Variants in APRT observed in about 807,000 individuals in gnomAD.
APRT encodes the protein adenine phosphoribosyltransferase.
Under a neutral mutation model 21.0 loss-of-function variants are expected in APRT, and 25 were observed. The observed-to-expected ratio is 1.19, with a 90% CI of 0.87 to 1.66. The LOEUF (loss-of-function observed/expected upper bound fraction) is 1.66. APRT is among the 40% of genes most tolerant of loss of function. APRT has a pLI of 0.00. For missense variants in APRT, 294 were observed against 232.7 expected (o/e 1.26, Z -1.72); for synonymous variants, 153 against 109.0 (o/e 1.40, Z -2.52).
Position 88,809,745 on chromosome 16 carries a change from C to G in APRT, c.496G>C (p.Glu166Gln), listed in dbSNP as rs1049298789. 3.1e-6 allele frequency: 5 copies of G among 1,613,424 alleles called. No homozygotes were observed. Among genetic ancestry groups the G allele is most frequent in the Non-Finnish European group, 4.2e-6 (5 of 1,180,016 alleles). ...AAGAAGGGTACAGGTGCCAGCTTCT[C>G]CCTGCCCTTAAGCGAGGTCAGCTCC... ...LVELTSLKGR[E>Q]KLAPVPFFSL... Residue 166 changes from glutamate (E) to glutamine (Q), a missense_variant, in exon 5 of 5, where the codon GAG (glutamate) becomes CAG (glutamine). By Grantham distance (29) the Glu-to-Gln change is conservative (BLOSUM62 2). Transcript: ENST00000378364.
chr16:88,809,772 C>T lies in APRT; in HGVS notation c.469G>A (p.Val157Met). ...QAEVLECVSL[V>M]ELTSLKGREK... ...CTGCCCTTAAGCGAGGTCAGCTCCA[C>T]CAGGCTCACGCACTCCAGGACCTCA... Residue 157 changes from valine (V) to methionine (M), a missense_variant, in exon 5 of 5, where the codon GTG becomes ATG. Transcript: ENST00000378364. The T allele has an allele frequency of 6.2e-7, 1 of 1,613,326 alleles. No homozygotes were observed. Among genetic ancestry groups the T allele is most frequent in the East Asian group, 2.2e-5 (1 of 44,880 alleles).
In APRT at chr16:88,809,498, C is replaced by T. The variant is rs758560583; in HGVS notation, c.*200G>A. On this transcript the variant is annotated 3_prime_UTR_variant, in exon 5 of 5. Coordinates refer to ENST00000378364, the MANE Select transcript of APRT (RefSeq NM_000485.3). ...GGGAAAGCTGTTTACTGCGTTCTCC[C>T]GCTGTGTGTAATTGGGTTCAGTGTG... 35 of 828,486 alleles carry T rather than the reference C, an allele frequency of 4.2e-5. No individual in the cohort carries two copies. The highest frequency in any genetic ancestry group is 3.2e-4 in the East Asian group (12 of 37,046). The allele number at this position is 828,486 out of a possible 1,614,324, so 51.3% of individuals were successfully genotyped here.
chr16:88,811,617 G>C lies in APRT; in HGVS notation c.120C>G (p.Arg40=). Residue 40 remains arginine (R), a synonymous_variant, in exon 2 of 5, where the codon CGC becomes CGG. Transcript: ENST00000378364. Reference sequence around the variant, plus strand: ...GTCGCGCCAGGAGGCCGATGGCGGCGCGGAAGGAGGCGGGGTCCTTCAGGA... The same window carrying C: ...GTCGCGCCAGGAGGCCGATGGCGGCCCGGAAGGAGGCGGGGTCCTTCAGGA... ...SPVLKDPASF[R]AAIGLLARHL... 1 of 1,602,806 alleles carries C rather than the reference G, an allele frequency of 6.2e-7. No individual in the cohort carries two copies. The highest frequency in any genetic ancestry group is 8.5e-7 in the Non-Finnish European group (1 of 1,175,428).
At position 88,811,602 on chromosome 16, in the gene APRT, G is replaced by A. The variant is rs200598967; in HGVS notation, c.135C>T (p.Leu45=). ...GGGTCGCCTTCAGGTGTCGCGCCAG[G>A]AGGCCGATGGCGGCGCGGAAGGAGG... is the stretch of plus-strand genomic sequence containing the variant. ...DPASFRAAIG[L]LARHLKATHG... is the part of the protein sequence containing the mutation. The change falls in exon 2 of 5, where the codon CTC becomes CTT. Residue 45 remains leucine, a synonymous_variant. Coordinates refer to ENST00000378364, the MANE Select transcript of APRT (RefSeq NM_000485.3). 2.5e-5 allele frequency: 40 copies of A among 1,604,572 alleles called. No homozygotes were observed. In the African/African-American group the frequency reaches 5.2e-4, roughly 21 times the overall value.
At chr16:88,809,945 G>A in intron 4 of APRT, 105 bp from the exon 5 acceptor site, 1 of 1,573,484 alleles carries the variant, frequency 6.4e-7, no homozygotes, top group African/African-American at 1.3e-5. Flanking sequence ...AGAGGAAGGT[G>A]TCGGCCTGGC....
chr16:88,810,652 G>A (rs2142952816), intron 2 of APRT, 96 bp from the exon 3 acceptor site: 1 of 1,461,146 alleles, frequency 6.8e-7, no homozygotes, highest in Non-Finnish European at 9.3e-7. Flanking sequence ...GCTCCCAGCT[G>A]AAAGGCCAGT....
chr16:88,809,843 G>A lies in APRT; in HGVS notation c.401-3C>T. ...CTCACAGGCAGCGTTCATGGTTCCT[G>A]GGGATGGGAGGGTGAGGTCCCCAGT... On this transcript the variant is annotated splice_polypyrimidine_tract_variant and splice_region_variant and intron_variant, in intron 4 of 4. Transcript: ENST00000378364. 6.2e-7 allele frequency: 1 copy of A among 1,610,718 alleles called. No individual in the cohort carries two copies. Among genetic ancestry groups the A allele is most frequent in the Non-Finnish European group, 8.5e-7 (1 of 1,179,714 alleles).
intron 4 of APRT, 57 bp from the exon 5 acceptor site, chr16:88,809,897 C>T (rs747919930): frequency 1.9e-6 from 3 of 1,598,522 alleles, no homozygotes; most frequent in East Asian, 2.2e-5. Flanking sequence ...GCAGGTGCTC[C>T]AGGCCAGCCC....
At chr16:88,810,366 G>A in intron 3 of APRT, 57 bp downstream of exon 3, 1 of 1,603,724 alleles carries the variant, frequency 6.2e-7, no homozygotes. Context: ...AGAACTGGGG[G>A]AGAGTGGCCA....
At chr16:88,810,356 A>G in intron 3 of APRT, 67 bp downstream of exon 3, 1 of 1,598,616 alleles carries the variant, frequency 6.3e-7, no homozygotes, top group South Asian at 1.1e-5. Context: ...AAGGCCTTTT[A>G]GAACTGGGGG....
Position 88,811,577 on chromosome 16 carries a change from G to T in APRT, c.160C>A (p.His54Asn). 1 of 1,601,778 alleles carries T rather than the reference G, an allele frequency of 6.2e-7. No individual in the cohort carries two copies. Among genetic ancestry groups the T allele is most frequent in the East Asian group, 2.3e-5 (1 of 44,334 alleles). Residue 54 changes from histidine to asparagine, a missense_variant, in exon 2 of 5, where the codon CAC (histidine) becomes AAC (asparagine). Physicochemically the swap from His to Asn is moderately conservative, Grantham distance 68. Transcript: ENST00000378364. The stretch of plus-strand genomic sequence containing the variant: ...GCGATGTAGTCGATGCGGCCCCCGT[G>T]GGTCGCCTTCAGGTGTCGCGCCAGG... ...GLLARHLKAT[H>N]GGRIDYIAGL...
rs1909163120 is a variant in APRT, at chr16:88,811,866, G to A, written c.34C>T (p.Arg12Trp). 1 of 1,569,716 alleles carries A rather than the reference G, an allele frequency of 6.4e-7. No homozygotes were observed. Among genetic ancestry groups the A allele is most frequent in the Non-Finnish European group, 8.6e-7 (1 of 1,159,752 alleles). ...ADSELQLVEQ[R>W]IRSFPDFPTP... ...GGGAAGTCGGGGAAGCTGCGGATCC[G>A]CTGCTCAACCAGCTGCAGCTCGGAG... is the stretch of plus-strand genomic sequence containing the variant. The change falls in exon 1 of 5, where the codon CGG becomes TGG. Residue 12 changes from arginine to tryptophan, a missense_variant. Arg to Trp is a moderately radical substitution (Grantham distance 101). Coordinates refer to ENST00000378364, the MANE Select transcript of APRT (RefSeq NM_000485.3).
chr16:88,811,454 C>G, intron 2 of APRT, 96 bp downstream of exon 2: 1 of 1,349,720 alleles, frequency 7.4e-7, no homozygotes, highest in Non-Finnish European at 1.0e-6. Context: ...TGAAGCACCC[C>G]AAAGGCCCTC....
chr16:88,810,158 G>T lies in APRT; in HGVS notation c.322-10C>A. The T allele has an allele frequency of 1.9e-6, 3 of 1,612,284 alleles. No individual in the cohort carries two copies. Among genetic ancestry groups the T allele is most frequent in the Non-Finnish European group, 1.7e-6 (2 of 1,179,800 alleles). ...GAATCTCCAGCTCAGCCTGGAGTGG[G>T]AAGTGGTGTGTGGTCCTCAGCCTCC... On this transcript the variant is annotated splice_polypyrimidine_tract_variant and intron_variant, in intron 3 of 4. Transcript: ENST00000378364.
chr16:88,810,525 G>C lies in APRT; in HGVS notation c.219C>G (p.Pro73=), dbSNP rs140329016. Residue 73 remains proline, a synonymous_variant, in exon 3 of 5, where the codon CCC becomes CCG. Transcript: ENST00000378364. ...GLDSRGFLFG[P]SLAQELGLGC... ...CCAGTCCAAGCTCCTGGGCCAGGGA[G>C]GGGCCAAAGAGGAAGCCTCGGGAGT... is the stretch of plus-strand genomic sequence containing the variant. The C allele has an allele frequency of 1.2e-6, 2 of 1,612,172 alleles. No homozygotes were observed. The highest frequency in any genetic ancestry group is 1.7e-6 in the Non-Finnish European group (2 of 1,179,916).
intron 2 of APRT, chr16:88,811,321 C>A (rs955436943): frequency 1.4e-5 from 8 of 581,104 alleles, no homozygotes; most frequent in South Asian, 1.2e-4. Flanking sequence ...CTCGGTCACG[C>A]CTGTCCTGGG....
At position 88,810,098 on chromosome 16, in the gene APRT, G is replaced by A. The variant is rs756911786; in HGVS notation, c.372C>T (p.Val124=). The change falls in exon 4 of 5, where the codon GTC becomes GTT. Residue 124 remains valine, a synonymous_variant. Transcript: ENST00000378364. ...KDALEPGQRV[V]VVDDLLATGG... ...CAGTGGCCAGCAGATCATCCACGAC[G>A]ACCACCCTCTGTCCTGGCTCCAGGG... 24 of 1,613,212 alleles carry A rather than the reference G, an allele frequency of 1.5e-5. No homozygotes were observed. The highest frequency in any genetic ancestry group is 1.9e-5 in the Non-Finnish European group (22 of 1,179,986).
chr16:88,810,048 T>C, intron 4 of APRT, 22 bp downstream of exon 4: 1 of 1,612,076 alleles, frequency 6.2e-7, no homozygotes, highest in Non-Finnish European at 8.5e-7. Context: ...GCCACAGCAG[T>C]TGGCTGCGGG....
In APRT at chr16:88,811,911, A is replaced by G. The variant is rs772446991; in HGVS notation, c.-12T>C. ...TCGGAGTCGGCCATGGCCGCGTGCG[A>G]AGAGCCAGCGGCAGCCCGAGCGCGC... On this transcript the variant is annotated 5_prime_UTR_variant, in exon 1 of 5. Coordinates refer to ENST00000378364, the MANE Select transcript of APRT (RefSeq NM_000485.3). The G allele has an allele frequency of 1.6e-5, 24 of 1,543,576 alleles. No individual in the cohort carries two copies. Among genetic ancestry groups the G allele is most frequent in the Non-Finnish European group, 2.0e-5 (23 of 1,147,332 alleles).
Sources: gnomAD v4.1 joint callset for allele counts on GRCh38, gnomAD v4.1.1 for gene constraint, MANE v1.5 for transcripts, NCBI Gene and HGNC (gene_info 2026-07-23, HGNC 2026-07-21) for gene names.